CSMD1: variants seen among roughly 807,000 people sequenced by gnomAD.
CSMD1 encodes the protein CUB and Sushi multiple domains 1.
In CSMD1, 213 loss-of-function variants were observed where a neutral mutation model predicts 417.5. The ratio of observed to expected loss-of-function variants is 0.51; its 90% CI spans 0.46 to 0.57. The LOEUF is 0.57. Ranked by LOEUF, CSMD1 falls within the 20% of genes least tolerant of loss-of-function variation. CSMD1 has a pLI of 0.00. For missense variants in CSMD1, 6,923 were observed against 4,529.7 expected (o/e 1.53, Z -15.17); for synonymous variants, 2,862 against 1,736.8 (o/e 1.65, Z -16.11).
At chr8:3,368,107 A>G (rs1024136819) in intron 19 of CSMD1, among the ~76,000 whole-genome samples, 1 of 152,088 alleles carries the variant, frequency 6.6e-6, no homozygotes, top group Non-Finnish European at 1.5e-5. Flanking sequence ...GATAACTTCT[A>G]ATAAAAATGT....
intron 5 of CSMD1, among the ~76,000 whole-genome samples, chr8:3,959,833 G>A (rs531216442): frequency 2.0e-5 from 3 of 152,214 alleles, no homozygotes; most frequent in Non-Finnish European, 4.4e-5. Context: ...TACACCAAGT[G>A]ATGTAGAGAA....
chr8:3,807,311 G>A (rs1325236060), intron 5 of CSMD1, among the ~76,000 whole-genome samples: 3 of 152,102 alleles, frequency 2.0e-5, no homozygotes, highest in Admixed American at 1.3e-4. Context: ...ATAAAATACA[G>A]TATCTGGTTT....
At chr8:4,224,967 T>A (rs1229654717) in intron 3 of CSMD1, among the ~76,000 whole-genome samples, 1 of 152,058 alleles carries the variant, frequency 6.6e-6, no homozygotes, top group Non-Finnish European at 1.5e-5. Flanking sequence ...AAAAAATTAG[T>A]TGGGCGTGGT....
At chr8:4,615,203 C>A (rs1021023043) in intron 2 of CSMD1, among the ~76,000 whole-genome samples, 1 of 152,132 alleles carries the variant, frequency 6.6e-6, no homozygotes. Flanking sequence ...CAAAGAGAAA[C>A]AGAAGGAAAT....
Position 3,610,402 on chromosome 8 carries a change from G to T in CSMD1, c.1097+6308C>A, listed in dbSNP as rs543538620. On this transcript the variant is annotated intron_variant, in intron 8 of 69. Transcript: ENST00000635120. ...TTTTAACAAATTAATTGAGTCAGTG[G>T]CTCATGCTTATACTCCCAACTACAC... Among the ~76,000 whole-genome samples the T allele has an allele frequency of 3.9e-5, 6 of 152,112 alleles. No individual in the cohort carries two copies. In the South Asian group the frequency reaches 1.2e-3, roughly 32 times the overall value.
intron 1 of CSMD1, among the ~76,000 whole-genome samples, chr8:4,718,335 A>G (rs1004748432): frequency 2.0e-5 from 3 of 152,208 alleles, no homozygotes; most frequent in African/African-American, 4.8e-5. Flanking sequence ...TTAACAATCA[A>G]TTATCACTAT....
chr8:4,057,288 G>T (rs866304890), intron 3 of CSMD1, among the ~76,000 whole-genome samples: 1 of 152,178 alleles, frequency 6.6e-6, no homozygotes, highest in East Asian at 1.9e-4. Flanking sequence ...GGCCAGTGAT[G>T]GTGAGCATTT....
chr8:3,381,292 A>T (rs976715301), intron 18 of CSMD1, among the ~76,000 whole-genome samples: 1 of 152,178 alleles, frequency 6.6e-6, no homozygotes, highest in Non-Finnish European at 1.5e-5. Context: ...AGAGCAGCTT[A>T]CACACACCCT....
Position 4,046,998 on chromosome 8 carries a change from T to A in CSMD1, c.416-14899A>T, listed in dbSNP as rs190209309. On this transcript the variant is annotated intron_variant, in intron 3 of 69. Coordinates refer to ENST00000635120, the MANE Select transcript of CSMD1 (RefSeq NM_033225.6). The stretch of plus-strand genomic sequence containing the variant: ...CTTTTCTTTCCAGAACCCTCCCTGA[T>A]GCATGACTTAGCCCTATAGGGTTGT... Among the ~76,000 whole-genome samples, 16 of 152,314 alleles carry A rather than the reference T, an allele frequency of 1.1e-4. No individual in the cohort carries two copies. The East Asian group carries it at 2.9e-3, about 28-fold the overall frequency.
At chr8:3,918,933 C>T (rs542609496) in intron 5 of CSMD1, among the ~76,000 whole-genome samples, 39 of 130,158 alleles carry the variant, frequency 3.0e-4, no homozygotes, top group African/African-American at 1.0e-3. Context: ...TCAGTGTGGG[C>T]TGCTCGGGTG....
chr8:3,975,635 G>C (rs1249621218), intron 5 of CSMD1, among the ~76,000 whole-genome samples: 2 of 152,120 alleles, frequency 1.3e-5, no homozygotes, highest in East Asian at 1.9e-4. Context: ...AGTGCCTGTA[G>C]GTGCCCAGCA....
intron 1 of CSMD1, among the ~76,000 whole-genome samples, chr8:4,652,021 G>C (rs541482850): frequency 1.5e-4 from 23 of 152,320 alleles, no homozygotes; most frequent in South Asian, 2.1e-4. Flanking sequence ...CTAAGTCTCA[G>C]CTTTCCTCTA....
chr8:3,963,622 G>T (rs957860328), intron 5 of CSMD1, among the ~76,000 whole-genome samples: 1 of 152,026 alleles, frequency 6.6e-6, no homozygotes, highest in South Asian at 2.1e-4. Context: ...AGCACATATG[G>T]TATATTGTTT....
chr8:4,817,132 TATC>T (rs1228301832), intron 1 of CSMD1, among the ~76,000 whole-genome samples: 11 of 152,202 alleles, frequency 7.2e-5, no homozygotes, highest in Non-Finnish European at 1.6e-4. Context: ...TATAAATACA[TATC>T]ATAATATTTA....
chr8:4,023,615 C>A (rs1796898433), intron 4 of CSMD1, among the ~76,000 whole-genome samples: 2 of 144,770 alleles, frequency 1.4e-5, no homozygotes, highest in South Asian at 2.2e-4. Context: ...GACACGGAGT[C>A]TCGCTCTGTC....
intron 69 of CSMD1, 82 bp downstream of exon 69, chr8:2,942,390 G>A (rs371360282): frequency 5.1e-6 from 6 of 1,170,322 alleles, no homozygotes; most frequent in Non-Finnish European, 7.2e-6. Flanking sequence ...ACATGTGCAT[G>A]TGAGCACGAG....
At position 4,323,581 on chromosome 8, in the gene CSMD1, T is replaced by A. The variant is rs560601256; in HGVS notation, c.415+96372A>T. Among the ~76,000 whole-genome samples the A allele has an allele frequency of 7.6e-4, 116 of 152,212 alleles. 2 individuals are homozygous for A. In the South Asian group the frequency reaches 8.5e-3, roughly 11 times the overall value. On this transcript the variant is annotated intron_variant, in intron 3 of 69. Transcript: ENST00000635120. ...GGTCATATATCTGCTTTCCAAGGTGTTTGAGTGGCTGATACCCAAAGTCAA... is the reference window on the plus strand; with the variant it reads ...GGTCATATATCTGCTTTCCAAGGTGATTGAGTGGCTGATACCCAAAGTCAA...
chr8:4,910,964 C>T (rs6984582), intron 1 of CSMD1, among the ~76,000 whole-genome samples: 10,191 of 152,168 alleles, frequency 0.067, 425 homozygotes, highest in African/African-American at 0.078. Flanking sequence ...AGTGAATAAG[C>T]CTCAGGAGAC....
At chr8:4,206,181 A>G (rs921972608) in intron 3 of CSMD1, among the ~76,000 whole-genome samples, 3 of 152,046 alleles carry the variant, frequency 2.0e-5, no homozygotes, top group East Asian at 1.9e-4. Context: ...ATACATGCTG[A>G]AAAATGAGGA....
Sources: allele counts gnomAD v4.1 joint callset (sites outside exome capture counted in the v4.1 genomes callset), GRCh38; gene constraint gnomAD v4.1.1; transcripts MANE v1.5; gene names NCBI Gene and HGNC (gene_info 2026-07-23, HGNC 2026-07-21).